The following TNS3 variants were observed in gnomAD, a reference collection of about 807,000 sequenced individuals.
TNS3 encodes tensin-3.
A neutral mutation model predicts 140.9 loss-of-function variants in TNS3; 45 were observed. The observed-to-expected ratio is 0.32, with a 90% CI of 0.25 to 0.41. The LOEUF (loss-of-function observed/expected upper bound fraction) is 0.41. TNS3 is among the 10% of genes least tolerant of loss of function. The pLI is 1.00. For missense variants in TNS3, 1,716 were observed against 1,906.7 expected, an observed-to-expected ratio of 0.90 and a Z score of 1.86; for synonymous variants, 815 against 788.4, an observed-to-expected ratio of 1.03 and a Z score of -0.56.
Position 47,277,744 on chromosome 7 carries a change from G to A in TNS3, c.*332C>T. 2.7e-6 allele frequency: 1 copy of A among 376,302 alleles called. No individual in the cohort carries two copies. Among genetic ancestry groups the A allele is most frequent in the Non-Finnish European group, 5.1e-6 (1 of 197,472 alleles). The allele number at this position is 376,302 out of a possible 1,614,324, so 23.3% of individuals were successfully genotyped here. The stretch of plus-strand genomic sequence containing the variant: ...ATCCCCCGGAATGCTAGTGTGCCAG[G>A]GACATGGGGACCACCTCGTGTTCTG... On this transcript the variant is annotated 3_prime_UTR_variant, in exon 31 of 31. Coordinates refer to ENST00000311160, the MANE Select transcript of TNS3 (RefSeq NM_022748.12).
At chr7:47,429,460 C>CG (rs1794820822) in intron 8 of TNS3, among the ~76,000 whole-genome samples, 1 of 152,172 alleles carries the variant, frequency 6.6e-6, no homozygotes, top group Non-Finnish European at 1.5e-5. Flanking sequence ...CTCCGCCTCC[C>CG]GGGTTCACGC....
Position 47,506,950 on chromosome 7 carries a change from A to C in TNS3, c.-152-6T>G, listed in dbSNP as rs1361006752. ...GTGGCAGGAATACTTGCAGGCTGGG[A>C]AAAAAAAAAAGAGAAAGAATGTGTG... On this transcript the variant is annotated splice_polypyrimidine_tract_variant and splice_region_variant and intron_variant, in intron 2 of 30. Coordinates refer to ENST00000311160, the MANE Select transcript of TNS3 (RefSeq NM_022748.12). The C allele has an allele frequency of 1.0e-6, 1 of 988,690 alleles. No homozygotes were observed. The highest frequency in any genetic ancestry group is 1.9e-5 in the African/African-American group (1 of 53,968). The allele number at this position is 988,690 out of a possible 1,614,324, so 61.2% of individuals were successfully genotyped here.
intron 3 of TNS3, among the ~76,000 whole-genome samples, chr7:47,497,919 CA>C (rs2151851253): frequency 6.6e-6 from 1 of 152,292 alleles, no homozygotes; most frequent in African/African-American, 2.4e-5. Context: ...GTTTTGAATT[CA>C]GGGGCCTCAT....
intron 17 of TNS3, among the ~76,000 whole-genome samples, chr7:47,364,240 T>G (rs1181267503): frequency 1.3e-5 from 2 of 152,066 alleles, no homozygotes; most frequent in Non-Finnish European, 2.9e-5. Context: ...CTTCCTTGCT[T>G]AGCTGCAGTG....
chr7:47,396,859 T>C lies in TNS3; in HGVS notation c.965A>G (p.Asn322Ser). ...YNDHGVIVDY[N>S]TTDPLIRWDS... Reference sequence around the variant, plus strand: ...CCAGCGTATCAGTGGGTCTGTTGTGTTGTAGTCCACAATCACACCGTGGTC... The same window carrying C: ...CCAGCGTATCAGTGGGTCTGTTGTGCTGTAGTCCACAATCACACCGTGGTC... The change falls in exon 16 of 31, where the codon AAC (asparagine) becomes AGC (serine). Residue 322 changes from asparagine to serine, a missense_variant. Asn to Ser is a conservative substitution (Grantham distance 46). Around this residue, in one of 3 missense-constraint regions of TNS3, gnomAD observed 1,163 missense variants for 1,182.1 expected, o/e 0.98. Coordinates refer to ENST00000311160, the MANE Select transcript of TNS3 (RefSeq NM_022748.12). 6.2e-7 allele frequency: 1 copy of C among 1,614,180 alleles called. No individual in the cohort carries two copies. Among genetic ancestry groups the C allele is most frequent in the Non-Finnish European group, 8.5e-7 (1 of 1,180,020 alleles).
chr7:47,413,872 G>A (rs1793925184), intron 12 of TNS3, 65 bp downstream of exon 12: 1 of 1,573,442 alleles, frequency 6.4e-7, no homozygotes, highest in Non-Finnish European at 8.7e-7. Context: ...GCAGCTGAGG[G>A]TCAGCTGCAG....
At chr7:47,509,741 A>T (rs949424438) in intron 2 of TNS3, among the ~76,000 whole-genome samples, 1 of 149,884 alleles carries the variant, frequency 6.7e-6, no homozygotes, top group Non-Finnish European at 1.5e-5. Flanking sequence ...GCCCATACCA[A>T]CCTCACCTCC....
At chr7:47,548,837 G>A (rs748236987) in intron 1 of TNS3, among the ~76,000 whole-genome samples, 1 of 152,040 alleles carries the variant, frequency 6.6e-6, no homozygotes, top group Non-Finnish European at 1.5e-5. Flanking sequence ...CCGAAGCACC[G>A]CTCACTTCAA....
intron 16 of TNS3, among the ~76,000 whole-genome samples, chr7:47,388,460 C>T (rs1792201604): frequency 1.3e-5 from 2 of 152,182 alleles, no homozygotes; most frequent in African/African-American, 4.8e-5. Flanking sequence ...TGAATCATTG[C>T]ATGCATGTTG....
At chr7:47,302,929 A>G in intron 22 of TNS3, 21 bp downstream of exon 22, 1 of 1,574,160 alleles carries the variant, frequency 6.4e-7, no homozygotes, top group Non-Finnish European at 8.6e-7. Flanking sequence ...GGCCCTTCCA[A>G]CCAGCTGGAA....
intron 20 of TNS3, among the ~76,000 whole-genome samples, chr7:47,334,348 T>C (rs1788504638): frequency 6.6e-6 from 1 of 152,174 alleles, no homozygotes; most frequent in African/African-American, 2.4e-5. Context: ...GGCATCCTCT[T>C]GAAGTAAACT....
intron 4 of TNS3, among the ~76,000 whole-genome samples, chr7:47,448,567 C>T (rs1562756312): frequency 6.6e-6 from 1 of 150,886 alleles, no homozygotes; most frequent in South Asian, 2.1e-4. Context: ...GCAACCTCTG[C>T]CTCCTGGGTT....
intron 1 of TNS3, among the ~76,000 whole-genome samples, chr7:47,560,610 C>T (rs542668613): frequency 6.6e-6 from 1 of 152,298 alleles, no homozygotes; most frequent in South Asian, 2.1e-4. Flanking sequence ...CCTGTGGTCC[C>T]GCTGGCTGCT....
intron 2 of TNS3, among the ~76,000 whole-genome samples, chr7:47,508,069 G>T (rs1244819611): frequency 6.6e-6 from 1 of 152,138 alleles, no homozygotes; most frequent in Non-Finnish European, 1.5e-5. Flanking sequence ...TCAGGGAGAG[G>T]GGCCCCACAT....
chr7:47,464,843 T>C (rs1191224018), intron 4 of TNS3, among the ~76,000 whole-genome samples: 2 of 152,154 alleles, frequency 1.3e-5, no homozygotes, highest in African/African-American at 2.4e-5. Flanking sequence ...CACTGCAACA[T>C]AACTTCCAGC....
At chr7:47,545,198 G>A (rs1799889307) in intron 1 of TNS3, among the ~76,000 whole-genome samples, 2 of 148,162 alleles carry the variant, frequency 1.3e-5, no homozygotes, top group South Asian at 4.3e-4. Context: ...AGTGCAGTGT[G>A]GCACAATCTC....
chr7:47,347,711 C>T (rs956120888), intron 17 of TNS3, among the ~76,000 whole-genome samples: 2 of 152,246 alleles, frequency 1.3e-5, no homozygotes, highest in Admixed American at 6.5e-5. Flanking sequence ...CCACCTCTTC[C>T]TTCCATCCTC....
At chr7:47,447,968 G>A (rs910571624) in intron 4 of TNS3, among the ~76,000 whole-genome samples, 3 of 152,252 alleles carry the variant, frequency 2.0e-5, no homozygotes, top group Admixed American at 6.5e-5. Flanking sequence ...AACAAGGGAA[G>A]AGCCAAGCAC....
At chr7:47,474,250 C>A (rs550606998) in intron 4 of TNS3, among the ~76,000 whole-genome samples, 2 of 148,904 alleles carry the variant, frequency 1.3e-5, no homozygotes, top group Admixed American at 1.3e-4. Context: ...ACAAACAATA[C>A]ACATCACATA....
Sources: allele counts gnomAD v4.1 joint callset (sites outside exome capture counted in the v4.1 genomes callset), GRCh38; gene constraint gnomAD v4.1.1; regional missense constraint gnomAD v4.1.1; transcripts MANE v1.5; gene names NCBI Gene and HGNC (gene_info 2026-07-23, HGNC 2026-07-21).